The following PROM1 variants were observed in gnomAD, a reference collection of about 807,000 sequenced individuals.
PROM1 encodes prominin-1.
Under a neutral mutation model 116.9 loss-of-function variants are expected in PROM1, and 105 were observed. The observed-to-expected ratio is 0.90, with a 90% confidence interval of 0.77 to 1.06. The LOEUF (loss-of-function observed/expected upper bound fraction) is 1.06. PROM1 is among the 50% of genes least tolerant of loss of function. The pLI is 0.00. For missense variants in PROM1, 1,122 were observed against 1,045.2 expected (o/e 1.07, Z -1.01); for synonymous variants, 393 against 387.0 (o/e 1.02, Z -0.18).
In PROM1 at chr4:15,979,262, G is replaced by C. The variant is rs182994281; in HGVS notation, c.2582+133C>G. 50 of 1,386,264 alleles carry C rather than the reference G, an allele frequency of 3.6e-5. No individual in the cohort carries two copies. In the Admixed American group the frequency reaches 1.0e-3, roughly 28 times the overall value. 85.9% of individuals were successfully genotyped at this position (1,386,264 alleles called of 1,614,324 possible). A position where few individuals can be genotyped will look rare whatever the true frequency, so the allele number is the denominator to read the frequency against. On this transcript the variant is annotated intron_variant, in intron 26 of 27. Transcript: ENST00000447510. ...TGGAACACTATGTAGAGCATGATTG[G>C]AGACTAGCATTGATAAAGTATCATA... is the stretch of plus-strand genomic sequence containing the variant.
chr4:16,034,997 A>T (rs1298524530), intron 4 of PROM1, among the ~76,000 whole-genome samples: 1 of 152,274 alleles, frequency 6.6e-6, no homozygotes, highest in African/African-American at 2.4e-5. Context: ...CAAATGCTCA[A>T]GACTAGTAAA....
chr4:16,078,503 T>C (rs911148716), intron 1 of PROM1, among the ~76,000 whole-genome samples: 2 of 152,212 alleles, frequency 1.3e-5, no homozygotes, highest in Non-Finnish European at 2.9e-5. Flanking sequence ...TATTTCCTTG[T>C]GCGGTTTCAT....
At chr4:15,978,378 G>C (rs963533065) in intron 26 of PROM1, among the ~76,000 whole-genome samples, 10 of 152,168 alleles carry the variant, frequency 6.6e-5, no homozygotes, top group African/African-American at 2.4e-4. Flanking sequence ...ATGACTTTCT[G>C]GTTCTGTTCA....
chr4:16,073,971 T>C (rs1743401965), intron 2 of PROM1, among the ~76,000 whole-genome samples: 1 of 152,208 alleles, frequency 6.6e-6, no homozygotes, highest in Non-Finnish European at 1.5e-5. Context: ...ATTAACTAAT[T>C]ACATGATATG....
At chr4:15,999,863 A>G (rs1289022968) in intron 14 of PROM1, among the ~76,000 whole-genome samples, 1 of 152,122 alleles carries the variant, frequency 6.6e-6, no homozygotes, top group Non-Finnish European at 1.5e-5. Context: ...AAAAACACAG[A>G]AAAGCCACAA....
intron 25 of PROM1, 22 bp from the exon 26 acceptor site, chr4:15,979,485 C>A (rs909024565): frequency 3.1e-6 from 5 of 1,589,790 alleles, no homozygotes; most frequent in South Asian, 1.2e-5. Flanking sequence ...ATAAATACAC[C>A]AAAAACACCA....
intron 11 of PROM1, among the ~76,000 whole-genome samples, chr4:16,012,839 C>T (rs866379028): frequency 3.4e-5 from 5 of 145,960 alleles, no homozygotes; most frequent in Middle Eastern, 3.5e-3. Context: ...CCACTGCATT[C>T]CAGCCTGAGC....
At chr4:16,049,988 C>T (rs1026188252) in intron 2 of PROM1, among the ~76,000 whole-genome samples, 1 of 152,044 alleles carries the variant, frequency 6.6e-6, no homozygotes, top group Non-Finnish European at 1.5e-5. Context: ...TTGGGCAGGG[C>T]GCGGTGGCTC....
At chr4:16,000,231 G>C (rs911068734) in intron 14 of PROM1, among the ~76,000 whole-genome samples, 4 of 152,172 alleles carry the variant, frequency 2.6e-5, no homozygotes, top group Non-Finnish European at 4.4e-5. Flanking sequence ...ACATTGAGCG[G>C]CAGGACTTTA....
At chr4:16,003,640 A>G (rs903617436) in intron 13 of PROM1, among the ~76,000 whole-genome samples, 9 of 152,154 alleles carry the variant, frequency 5.9e-5, no homozygotes, top group South Asian at 2.1e-4. Flanking sequence ...TCACCACTGC[A>G]TCCTATTCAG....
intron 2 of PROM1, among the ~76,000 whole-genome samples, chr4:16,047,992 T>C (rs1399663377): frequency 1.3e-5 from 2 of 152,226 alleles, no homozygotes; most frequent in Admixed American, 1.3e-4. Context: ...TTCAAATAAA[T>C]GCCTTTTGAA....
intron 13 of PROM1, among the ~76,000 whole-genome samples, chr4:16,003,625 T>C (rs1362658076): frequency 6.6e-6 from 1 of 152,154 alleles, no homozygotes; most frequent in Non-Finnish European, 1.5e-5. Context: ...CAACAGATAA[T>C]ACATTCACCA....
intron 26 of PROM1, among the ~76,000 whole-genome samples, chr4:15,978,100 A>G (rs1716705077): frequency 6.6e-6 from 1 of 152,180 alleles, no homozygotes; most frequent in African/African-American, 2.4e-5. Flanking sequence ...ATTTGGCAAG[A>G]CAACGCCACC....
intron 2 of PROM1, among the ~76,000 whole-genome samples, chr4:16,063,833 G>A (rs1740899564): frequency 6.6e-6 from 1 of 152,134 alleles, no homozygotes; most frequent in Non-Finnish European, 1.5e-5. Flanking sequence ...ACTTACAGAT[G>A]AAATGACAGA....
At chr4:16,065,201 C>CATGCCAT (rs1410704726) in intron 2 of PROM1, among the ~76,000 whole-genome samples, 5 of 152,214 alleles carry the variant, frequency 3.3e-5, no homozygotes, top group Non-Finnish European at 5.9e-5. Context: ...CCAGAGCCTG[C>CATGCCAT]ATGCCATATG....
intron 2 of PROM1, among the ~76,000 whole-genome samples, chr4:16,072,634 G>A (rs1481340354): frequency 6.6e-6 from 1 of 152,100 alleles, no homozygotes; most frequent in Non-Finnish European, 1.5e-5. Flanking sequence ...AAGACAAACC[G>A]CTTCTTGATG....
intron 27 of PROM1, among the ~76,000 whole-genome samples, chr4:15,970,678 G>A (rs3857146): frequency 0.85 from 129,893 of 152,004 alleles, 56,126 homozygotes; most frequent in East Asian, 1. Flanking sequence ...TTGGTTCCAG[G>A]ACCGCTACAC....
At chr4:15,995,937 A>G (rs1181079662) in intron 15 of PROM1, among the ~76,000 whole-genome samples, 1 of 152,228 alleles carries the variant, frequency 6.6e-6, no homozygotes, top group Non-Finnish European at 1.5e-5. Context: ...TCAATTTTGT[A>G]TAATATCTCA....
chr4:15,994,134 C>T (rs1577902156), intron 15 of PROM1, 63 bp from the exon 16 acceptor site: 1 of 1,605,024 alleles, frequency 6.2e-7, no homozygotes, highest in East Asian at 2.2e-5. Context: ...CTGTCCACCA[C>T]TGAAGATGAG....
Sources: allele counts gnomAD v4.1 joint callset (sites outside exome capture counted in the v4.1 genomes callset), GRCh38; gene constraint gnomAD v4.1.1; transcripts MANE v1.5; gene names NCBI Gene and HGNC (gene_info 2026-07-23, HGNC 2026-07-21).